Variants in TG observed in about 807,000 individuals in gnomAD.
TG encodes thyroid hormones.
TG carries 270 observed loss-of-function variants against 324.7 expected under a neutral mutation model. That is an observed-to-expected ratio of 0.83 (90% CI 0.75 to 0.92). The LOEUF is 0.92. Among genes scored for constraint, TG ranks in the 40% least tolerant of loss-of-function variants. The probability of loss-of-function intolerance (pLI) is 0.00; values close to 1 mark genes in which losing one functional copy is unlikely to be tolerated. For missense variants in TG, 3,591 were observed against 3,456.4 expected (o/e 1.04, Z -0.98); for synonymous variants, 1,401 against 1,327.0 (o/e 1.06, Z -1.21).
At chr8:132,983,802 A>C (rs1424179355) in intron 35 of TG, 17 of 346,670 alleles carry the variant, frequency 4.9e-5, no homozygotes, top group Non-Finnish European at 8.9e-5. Flanking sequence ...GCTCCTTATT[A>C]GTGCAAAAGA....
intron 21 of TG, among the ~76,000 whole-genome samples, chr8:132,921,386 A>C (rs968499790): frequency 1.3e-5 from 2 of 152,182 alleles, no homozygotes; most frequent in Admixed American, 1.3e-4. Flanking sequence ...ATCTTCCCTG[A>C]GCAGTGAAAG....
intron 43 of TG, among the ~76,000 whole-genome samples, chr8:133,111,779 C>A (rs1033672605): frequency 9.9e-5 from 15 of 152,226 alleles, no homozygotes; most frequent in African/African-American, 3.6e-4. Flanking sequence ...GATGAATATT[C>A]ACAGATTCAC....
chr8:133,065,777 A>G (rs1033198914), intron 41 of TG, among the ~76,000 whole-genome samples: 1 of 147,808 alleles, frequency 6.8e-6, no homozygotes, highest in African/African-American at 2.7e-5. Context: ...ATAATAAAAT[A>G]AAATAAAATA....
intron 20 of TG, among the ~76,000 whole-genome samples, chr8:132,915,558 C>A (rs557298883): frequency 6.6e-6 from 1 of 152,250 alleles, no homozygotes; most frequent in Non-Finnish European, 1.5e-5. Flanking sequence ...GAAGAGACTG[C>A]ATGGGAGACC....
intron 41 of TG, chr8:133,050,293 A>T (rs1244209014): frequency 2.4e-6 from 1 of 422,418 alleles, no homozygotes; most frequent in African/African-American, 2.0e-5. Flanking sequence ...ATAAATGTTT[A>T]CTATGTTGAT....
intron 26 of TG, 148 bp downstream of exon 26, chr8:132,941,690 A>G (rs1824466288): frequency 2.4e-6 from 2 of 834,464 alleles, no homozygotes; most frequent in Admixed American, 2.1e-5. Flanking sequence ...TACACAATAC[A>G]CACATGATAC....
intron 20 of TG, among the ~76,000 whole-genome samples, chr8:132,917,032 T>TCCCC (rs1820407901): frequency 4.3e-5 from 2 of 46,986 alleles, no homozygotes; most frequent in Admixed American, 3.4e-4. Context: ...CATGCCTCCC[T>TCCCC]CCCTCCCTCC....
chr8:133,084,734 G>A (rs969351743), intron 41 of TG, among the ~76,000 whole-genome samples: 1 of 152,230 alleles, frequency 6.6e-6, no homozygotes, highest in African/African-American at 2.4e-5. Flanking sequence ...GTGCCCGGGA[G>A]AGACCCCTTA....
At chr8:132,903,124 G>C (rs1818162745) in intron 16 of TG, among the ~76,000 whole-genome samples, 2 of 152,138 alleles carry the variant, frequency 1.3e-5, no homozygotes, top group South Asian at 4.1e-4. Flanking sequence ...CAGGAGGAAG[G>C]CTCCAGAAGG....
At position 132,969,483 on chromosome 8, in the gene TG, C is replaced by A; in HGVS notation, c.5889C>A (p.Asn1963Lys). Residue 1963 changes from asparagine (N) to lysine (K), a missense_variant, in exon 32 of 48, where the codon AAC becomes AAA. By Grantham distance (94) the Asn-to-Lys change is moderately conservative (BLOSUM62 0). Transcript: ENST00000220616. ...TTATACTGGAAGATAAAGTGAAGAA[C>A]TTTTACACTCGCCTGCCGTTCCAAA... ...KKVILEDKVK[N>K]FYTRLPFQKL... 1 of 1,613,734 alleles carries A rather than the reference C, an allele frequency of 6.2e-7. No individual in the cohort carries two copies.
intron 41 of TG, chr8:133,037,088 G>A (rs1010567514): frequency 3.9e-5 from 6 of 152,202 alleles, no homozygotes; most frequent in Non-Finnish European, 7.3e-5. Flanking sequence ...CCAGTAGCAC[G>A]ATGAGCTCAG....
chr8:132,939,187 G>A (rs1369259578), intron 25 of TG, among the ~76,000 whole-genome samples: 1 of 152,196 alleles, frequency 6.6e-6, no homozygotes, highest in East Asian at 1.9e-4. Flanking sequence ...GGCAGTGATG[G>A]AAACGGTCTA....
At chr8:133,016,293 T>C (rs1191328007) in intron 37 of TG, among the ~76,000 whole-genome samples, 5 of 152,164 alleles carry the variant, frequency 3.3e-5, no homozygotes, top group Admixed American at 3.3e-4. Context: ...GTATTCTTTG[T>C]TGTATATGTG....
Position 132,913,189 on chromosome 8 carries a change from C to T in TG, c.4302C>T (p.Pro1434=), listed in dbSNP as rs2069557. ...AAGGGGACCACTTTGGCACCTCTCC[C>T]AGGACATGGTTTGGGTGCTCGGAAG... ...FLQGDHFGTS[P]RTWFGCSEGF... The change falls in exon 20 of 48, where the codon CCC becomes CCT. Residue 1434 remains proline, a synonymous_variant. Transcript: ENST00000220616. 6.2e-7 allele frequency: 1 copy of T among 1,614,062 alleles called. No homozygotes were observed. Among genetic ancestry groups the T allele is most frequent in the Admixed American group, 1.7e-5 (1 of 60,008 alleles).
intron 41 of TG, among the ~76,000 whole-genome samples, chr8:133,075,749 A>G (rs1188246511): frequency 6.6e-6 from 1 of 152,190 alleles, no homozygotes; most frequent in East Asian, 1.9e-4. Context: ...AACCACAATC[A>G]TTGTGGCACC....
intron 29 of TG, chr8:132,964,878 A>C: frequency 1.4e-6 from 1 of 701,184 alleles, no homozygotes; most frequent in Non-Finnish European, 2.6e-6. Flanking sequence ...AGCAGCCTGC[A>C]GGGGCCAGGA....
intron 35 of TG, among the ~76,000 whole-genome samples, chr8:132,984,387 G>T (rs1564038081): frequency 6.6e-6 from 1 of 152,176 alleles, no homozygotes; most frequent in Non-Finnish European, 1.5e-5. Context: ...TATATATAAA[G>T]TTGTTGAGCC....
At chr8:133,079,842 G>T (rs1352732661) in intron 41 of TG, among the ~76,000 whole-genome samples, 2 of 152,008 alleles carry the variant, frequency 1.3e-5, no homozygotes, top group Non-Finnish European at 2.9e-5. Context: ...ATGACACTTG[G>T]TGCTATAAAA....
chr8:132,978,026 T>C (rs1830387887), intron 34 of TG, among the ~76,000 whole-genome samples: 3 of 152,378 alleles, frequency 2.0e-5, no homozygotes, highest in Middle Eastern at 3.4e-3. Flanking sequence ...CAGACTGTGT[T>C]CATCCATTTT....
Sources: gnomAD v4.1 joint callset for allele counts (sites outside exome capture counted in the v4.1 genomes callset) on GRCh38, gnomAD v4.1.1 for gene constraint, MANE v1.5 for transcripts, NCBI Gene and HGNC (gene_info 2026-07-23, HGNC 2026-07-21) for gene names.